The following GALC variants were observed in gnomAD, a reference collection of about 807,000 sequenced individuals.
GALC encodes the protein galactocerebrosidase.
Under a neutral mutation model 91.8 loss-of-function variants are expected in GALC, and 77 were observed. The ratio of observed to expected loss-of-function variants is 0.84; its 90% CI spans 0.70 to 1.01. The LOEUF (loss-of-function observed/expected upper bound fraction) is 1.01, where lower values mean the gene tolerates loss of function less well. Among genes scored for constraint, GALC ranks in the 50% least tolerant of loss-of-function variants. GALC has a pLI of 0.00. For synonymous variants in GALC, 357 were observed against 306.7 expected (o/e 1.16, Z -1.71); for missense variants, 882 against 855.9 (o/e 1.03, Z -0.38).
chr14:87,989,458 T>G (rs1017529366), intron 1 of GALC: 1 of 152,252 alleles, frequency 6.6e-6, no homozygotes. Context: ...AGCCACTCTT[T>G]CCATCTACCT....
chr14:87,938,548 C>T (rs965514821), intron 16 of GALC, among the ~76,000 whole-genome samples: 4 of 151,888 alleles, frequency 2.6e-5, no homozygotes, highest in Non-Finnish European at 4.4e-5. Flanking sequence ...AAAAGGTAGC[C>T]TTTAAATTAT....
intron 2 of GALC, 35 bp from the exon 3 acceptor site, chr14:87,988,242 G>A: frequency 6.4e-7 from 1 of 1,562,246 alleles, no homozygotes; most frequent in Non-Finnish European, 8.8e-7. Context: ...ACATAGTGTT[G>A]TATTGTATGA....
At chr14:87,950,622 A>G (rs765380291) in intron 11 of GALC, 37 bp downstream of exon 11, 84 of 1,284,858 alleles carry the variant, frequency 6.5e-5, no homozygotes, top group South Asian at 2.4e-4. Context: ...TAAATTCTTA[A>G]ATCAAAACTA....
chr14:87,971,795 A>G (rs1886302694), intron 7 of GALC, among the ~76,000 whole-genome samples: 1 of 152,192 alleles, frequency 6.6e-6, no homozygotes, highest in South Asian at 2.1e-4. Flanking sequence ...TGTATTGAAC[A>G]ATACAGGTTT....
At chr14:87,949,067 G>A (rs1885197597) in intron 12 of GALC, among the ~76,000 whole-genome samples, 1 of 151,944 alleles carries the variant, frequency 6.6e-6, no homozygotes, top group South Asian at 2.1e-4. Context: ...AACTAGGTAA[G>A]CACATGGCCC....
chr14:87,966,073 A>G (rs1292443314), intron 8 of GALC, among the ~76,000 whole-genome samples: 2 of 152,176 alleles, frequency 1.3e-5, no homozygotes, highest in African/African-American at 4.8e-5. Context: ...AAGTTTTACA[A>G]TTGAGAATTA....
chr14:87,956,618 AC>A lies in GALC; in HGVS notation c.1162-5871del, dbSNP rs941176892. On this transcript the variant is annotated intron_variant, in intron 10 of 16. Coordinates refer to ENST00000261304, the MANE Select transcript of GALC (RefSeq NM_000153.4). ...TACACACACACACACACACACACAC[AC>A]ACCATATATATATGGTATATATATA... 4.3e-3 allele frequency among the ~76,000 whole-genome samples: 467 copies of A among 108,444 alleles called. 2 individuals carry two copies. The highest frequency in any genetic ancestry group is 0.02 in the African/African-American group (389 of 19,332). 71.1% of individuals were successfully genotyped at this position (108,444 alleles called of 152,430 possible). A position where few individuals can be genotyped will look rare whatever the true frequency, so the allele number is the denominator to read the frequency against.
intron 7 of GALC, among the ~76,000 whole-genome samples, chr14:87,969,915 T>C (rs889851586): frequency 2.6e-5 from 4 of 152,134 alleles, no homozygotes; most frequent in Non-Finnish European, 5.9e-5. Flanking sequence ...GAGGTTCCAC[T>C]AAGATTTTAC....
rs545602380 is a variant in GALC, at chr14:87,952,883, T to C, written c.1162-2135A>G. ...GTGGATTTGAAAGCATAGTTCTGCATTTAACTGAAAAGTATCAAAAGCTTC... is the reference window on the plus strand; with the variant it reads ...GTGGATTTGAAAGCATAGTTCTGCACTTAACTGAAAAGTATCAAAAGCTTC... On this transcript the variant is annotated intron_variant, in intron 10 of 16. Transcript: ENST00000261304. 1.9e-5 allele frequency: 20 copies of C among 1,031,370 alleles called. No individual in the cohort carries two copies. In the East Asian group the frequency reaches 4.9e-4, roughly 25 times the overall value. The allele number at this position is 1,031,370 out of a possible 1,614,324, so 63.9% of individuals were successfully genotyped here. A position where few individuals can be genotyped will look rare whatever the true frequency, so the allele number is the denominator to read the frequency against.
In GALC at chr14:87,958,028, C is replaced by T. The variant is rs550964337; in HGVS notation, c.1161+5356G>A. Among the ~76,000 whole-genome samples, 411 of 152,014 alleles carry T rather than the reference C, an allele frequency of 2.7e-3. 3 individuals are homozygous for T. The highest frequency in any genetic ancestry group is 9.5e-3 in the African/African-American group (396 of 41,486). The stretch of plus-strand genomic sequence containing the variant: ...AAACAATCCTAAAATTCATATGGAA[C>T]CAAAAAAGAGTCCAAACAGCCAAAG... On this transcript the variant is annotated intron_variant, in intron 10 of 16. Coordinates refer to ENST00000261304, the MANE Select transcript of GALC (RefSeq NM_000153.4).
chr14:87,938,077 A>G (rs1884665388), intron 16 of GALC, among the ~76,000 whole-genome samples: 1 of 152,022 alleles, frequency 6.6e-6, no homozygotes, highest in African/African-American at 2.4e-5. Context: ...AAAAAGAAAC[A>G]ATGAGGAAGT....
intron 1 of GALC, chr14:87,989,503 TG>T (rs1400944767): frequency 6.6e-6 from 1 of 152,266 alleles, no homozygotes; most frequent in Non-Finnish European, 1.5e-5. Flanking sequence ...CACTTTTGCA[TG>T]TATCTGCTCC....
intron 10 of GALC, among the ~76,000 whole-genome samples, chr14:87,960,641 A>C (rs1270237072): frequency 6.6e-6 from 1 of 152,202 alleles, no homozygotes; most frequent in Non-Finnish European, 1.5e-5. Context: ...ATAAGTCAAC[A>C]GAAAAAAATT....
At chr14:87,962,909 T>G (rs1216225543) in intron 10 of GALC, among the ~76,000 whole-genome samples, 1 of 152,108 alleles carries the variant, frequency 6.6e-6, no homozygotes, top group Non-Finnish European at 1.5e-5. Flanking sequence ...TATGTCTGCT[T>G]TCAAGCCCCT....
intron 1 of GALC, chr14:87,989,520 C>G (rs1383689614): frequency 6.6e-6 from 1 of 152,226 alleles, no homozygotes; most frequent in African/African-American, 2.4e-5. Context: ...GCTCCTTTTC[C>G]TGAACTTGCT....
chr14:87,957,783 G>A (rs1885621579), intron 10 of GALC, among the ~76,000 whole-genome samples: 1 of 151,980 alleles, frequency 6.6e-6, no homozygotes, highest in South Asian at 2.1e-4. Context: ...AAATATATAA[G>A]AATATACTTA....
intron 10 of GALC, chr14:87,954,150 C>G: frequency 6.2e-7 from 1 of 1,604,704 alleles, no homozygotes; most frequent in Non-Finnish European, 8.5e-7. Context: ...TGTTGTACTT[C>G]AAGACCTACT....
intron 10 of GALC, chr14:87,954,756 C>T (rs79151311): frequency 0.14 from 223,421 of 1,574,224 alleles, 17,333 homozygotes; most frequent in Middle Eastern, 0.16. Context: ...AAGAGTATTT[C>T]TTTTCTTCTC....
intron 1 of GALC, among the ~76,000 whole-genome samples, chr14:87,989,216 A>G (rs1052233954): frequency 7.2e-5 from 11 of 152,220 alleles, no homozygotes; most frequent in African/African-American, 2.2e-4. Flanking sequence ...TTTTGGCATG[A>G]AACAGTAGCC....
Sources: allele counts gnomAD v4.1 joint callset (sites outside exome capture counted in the v4.1 genomes callset), GRCh38; gene constraint gnomAD v4.1.1; transcripts MANE v1.5; gene names NCBI Gene and HGNC (gene_info 2026-07-23, HGNC 2026-07-21).